The following BICD1 variants were observed in gnomAD, a reference collection of about 807,000 sequenced individuals.
The protein encoded by BICD1 is protein bicaudal D homolog 1.
A neutral mutation model predicts 92.5 loss-of-function variants in BICD1; 35 were observed. The observed-to-expected ratio is 0.38, with a 90% CI of 0.29 to 0.50. The LOEUF (loss-of-function observed/expected upper bound fraction) is 0.50. BICD1 is among the 20% of genes least tolerant of loss of function. The pLI is 0.93. For synonymous variants in BICD1, 429 were observed against 465.1 expected (o/e 0.92, Z 1.00); for missense variants, 950 against 1,189.8 (o/e 0.80, Z 2.97).
intron 1 of BICD1, among the ~76,000 whole-genome samples, chr12:32,150,522 G>A (rs4931616): frequency 0.86 from 130,579 of 152,224 alleles, 56,222 homozygotes; most frequent in African/African-American, 0.92. Flanking sequence ...ACTGAGCAGA[G>A]AGACTGATGA....
intron 1 of BICD1, among the ~76,000 whole-genome samples, chr12:32,114,952 A>G (rs530530296): frequency 6.6e-6 from 1 of 152,184 alleles, no homozygotes; most frequent in East Asian, 1.9e-4. Flanking sequence ...AATCTTTATC[A>G]ATCTTATTTA....
chr12:32,180,958 T>C (rs1021229429), intron 1 of BICD1, among the ~76,000 whole-genome samples: 3 of 151,906 alleles, frequency 2.0e-5, no homozygotes, highest in Non-Finnish European at 4.4e-5. Context: ...TTAATTTTAT[T>C]GTATCTTTAG....
At chr12:32,158,824 TC>T (rs1225350608) in intron 1 of BICD1, among the ~76,000 whole-genome samples, 2 of 152,266 alleles carry the variant, frequency 1.3e-5, no homozygotes, top group Non-Finnish European at 2.9e-5. Context: ...GGTTTTGTTT[TC>T]CTAGGGCCTT....
intron 1 of BICD1, among the ~76,000 whole-genome samples, chr12:32,149,808 G>A (rs908319356): frequency 1.3e-5 from 2 of 152,188 alleles, no homozygotes; most frequent in Non-Finnish European, 2.9e-5. Flanking sequence ...CATGGTGAAA[G>A]GGAACAAACA....
intron 1 of BICD1, among the ~76,000 whole-genome samples, chr12:32,195,236 C>T (rs1944695370): frequency 2.0e-5 from 3 of 152,160 alleles, no homozygotes; most frequent in African/African-American, 7.2e-5. Flanking sequence ...ATTTTAATGG[C>T]ATTTTTCACA....
At chr12:32,291,864 A>T (rs570966858) in intron 2 of BICD1, among the ~76,000 whole-genome samples, 59 of 152,244 alleles carry the variant, frequency 3.9e-4, no homozygotes, top group African/African-American at 1.4e-3. Context: ...GTGGACTATG[A>T]AGCAAGATGA....
chr12:32,305,513 G>GGTATATAATTTCTAAAGAAACTATC (rs1215615754), intron 3 of BICD1, among the ~76,000 whole-genome samples, 184 bp from the exon 4 acceptor site: 1 of 151,034 alleles, frequency 6.6e-6, no homozygotes, highest in Non-Finnish European at 1.5e-5. Context: ...TTTTATATAT[G>GGTATATAATTTCTAAAGAAACTATC]GTATATAATT....
intron 1 of BICD1, among the ~76,000 whole-genome samples, chr12:32,213,851 G>A (rs1000512926): frequency 6.6e-6 from 1 of 152,194 alleles, no homozygotes; most frequent in Non-Finnish European, 1.5e-5. Flanking sequence ...TTTGTGGGGA[G>A]ATGCTTTAAG....
intron 1 of BICD1, among the ~76,000 whole-genome samples, chr12:32,121,964 T>A (rs1485567468): frequency 6.6e-6 from 1 of 151,702 alleles, no homozygotes; most frequent in African/African-American, 2.4e-5. Flanking sequence ...CAGGTGTGAG[T>A]CACCACACCC....
chr12:32,229,067 TG>T (rs1423470505), intron 2 of BICD1, among the ~76,000 whole-genome samples: 1 of 152,052 alleles, frequency 6.6e-6, no homozygotes, highest in East Asian at 1.9e-4. Flanking sequence ...CTGGCTAACA[TG>T]ACAAAACCCC....
intron 8 of BICD1, chr12:32,352,543 A>C (rs1938936214): frequency 6.6e-6 from 1 of 151,988 alleles, no homozygotes; most frequent in Non-Finnish European, 1.5e-5. Flanking sequence ...TTAAGGAGAC[A>C]CATTTCCTCA....
Position 32,305,726 on chromosome 12 carries a change from T to C in BICD1, c.609T>C (p.Ile203=). The C allele has an allele frequency of 6.2e-7, 1 of 1,613,582 alleles. No individual in the cohort carries two copies. Among genetic ancestry groups the C allele is most frequent in the Non-Finnish European group, 8.5e-7 (1 of 1,179,854 alleles). ...AATACGAAGGCTTAAAGCATGAGAT[T>C]AAGCGATTTGAGGAGGAGACGGTAC... is the stretch of plus-strand genomic sequence containing the variant. ...QVEYEGLKHE[I]KRFEEETVLL... is the part of the protein sequence containing the mutation. The change falls in exon 4 of 10, where the codon ATT becomes ATC. Residue 203 remains isoleucine (I), a synonymous_variant. Transcript: ENST00000652176.
intron 1 of BICD1, among the ~76,000 whole-genome samples, chr12:32,119,629 A>G (rs1326106498): frequency 6.6e-6 from 1 of 152,146 alleles, no homozygotes; most frequent in Non-Finnish European, 1.5e-5. Flanking sequence ...GCCAGCACTT[A>G]GGGAGACCAA....
intron 4 of BICD1, among the ~76,000 whole-genome samples, chr12:32,325,330 G>A (rs992248225): frequency 6.6e-6 from 1 of 152,138 alleles, no homozygotes; most frequent in African/African-American, 2.4e-5. Flanking sequence ...ATCACTGGCC[G>A]ACTTTGAATG....
intron 1 of BICD1, among the ~76,000 whole-genome samples, chr12:32,172,073 TCCG>T (rs1240095617): frequency 6.6e-6 from 1 of 152,146 alleles, no homozygotes; most frequent in Non-Finnish European, 1.5e-5. Context: ...TGCCTCTCCC[TCCG>T]TTCCTTTTCT....
At chr12:32,153,188 AT>A (rs766242446) in intron 1 of BICD1, among the ~76,000 whole-genome samples, 1 of 152,058 alleles carries the variant, frequency 6.6e-6, no homozygotes, top group Non-Finnish European at 1.5e-5. Context: ...CTTTTCCTGC[AT>A]TTCTTTGCTT....
chr12:32,273,435 C>T (rs1947194165), intron 2 of BICD1, among the ~76,000 whole-genome samples: 1 of 152,162 alleles, frequency 6.6e-6, no homozygotes, highest in Non-Finnish European at 1.5e-5. Context: ...GCAAGCAGCG[C>T]CTTTCCTCAG....
chr12:32,372,791 C>T (rs536600437), intron 9 of BICD1, among the ~76,000 whole-genome samples: 2 of 152,060 alleles, frequency 1.3e-5, no homozygotes, highest in East Asian at 3.9e-4. Flanking sequence ...GTGGGAGGAT[C>T]GTTTCAGCCT....
chr12:32,244,683 C>T (rs997177325), intron 2 of BICD1, among the ~76,000 whole-genome samples: 2 of 147,698 alleles, frequency 1.4e-5, no homozygotes, highest in Admixed American at 6.8e-5. Context: ...GGCTGGAGTG[C>T]AGTGGCACGA....
Sources: gnomAD v4.1 joint callset for allele counts (sites outside exome capture counted in the v4.1 genomes callset) on GRCh38, gnomAD v4.1.1 for gene constraint, MANE v1.5 for transcripts, NCBI Gene and HGNC (gene_info 2026-07-23, HGNC 2026-07-21) for gene names.